The following ASAP2 variants were observed in gnomAD, a reference collection of about 807,000 sequenced individuals.
ASAP2 encodes arf-GAP with SH3 domain, ANK repeat and PH domain-containing protein 2.
A neutral mutation model predicts 131.4 loss-of-function variants in ASAP2; 45 were observed. The observed-to-expected ratio is 0.34, with a 90% CI of 0.27 to 0.44. The LOEUF is 0.44. ASAP2 is among the 20% of genes least tolerant of loss of function. The pLI, the probability that ASAP2 is intolerant of heterozygous loss-of-function variation, is 1.00. For synonymous variants in ASAP2, 510 were observed against 503.0 expected (o/e 1.01, Z -0.19); for missense variants, 1,011 against 1,297.0 (o/e 0.78, Z 3.39).
Position 9,217,032 on chromosome 2 carries a change from G to A in ASAP2, c.126+9802G>A, listed in dbSNP as rs1463695932. Among the ~76,000 whole-genome samples the A allele has an allele frequency of 2.6e-5, 4 of 152,130 alleles. No homozygotes were observed. Among genetic ancestry groups the A allele is most frequent in the Admixed American group, 6.5e-5 (1 of 15,278 alleles). Reference sequence around the variant, plus strand: ...ATAGGGGCCAGCAAAATTAGGCCACGGTACCAAGTTCATGGAGCTTGGAGG... The same window carrying A: ...ATAGGGGCCAGCAAAATTAGGCCACAGTACCAAGTTCATGGAGCTTGGAGG... On this transcript the variant is annotated intron_variant, in intron 1 of 27. Transcript: ENST00000281419. The surrounding 1 kb of genome is among the most constrained non-coding windows in gnomAD (Gnocchi z 4.0).
At position 9,380,735 on chromosome 2, in the gene ASAP2, T is replaced by C. The variant is rs779068141; in HGVS notation, c.1949-6T>C. 1 of 1,614,114 alleles carries C rather than the reference T, an allele frequency of 6.2e-7. No individual in the cohort carries two copies. The highest frequency in any genetic ancestry group is 1.1e-5 in the South Asian group (1 of 91,078). On this transcript the variant is annotated splice_polypyrimidine_tract_variant and splice_region_variant and intron_variant, in intron 19 of 27. Coordinates refer to ENST00000281419, the MANE Select transcript of ASAP2 (RefSeq NM_003887.3). ...AACGCCTCCTTTGCTCGCCCTTGAATTTTAGCAAACGAGTCAGGAGAGACT... is the reference window on the plus strand; with the variant it reads ...AACGCCTCCTTTGCTCGCCCTTGAACTTTAGCAAACGAGTCAGGAGAGACT...
rs537818317 is a variant in ASAP2 at position 9,352,121 on chromosome 2, G to A, written c.1111+1226G>A. ...TGTGATCCTGTAGTCCCAGCTACTC[G>A]GGAGGCTGAGGTAGGAGGATCACCC... On this transcript the variant is annotated intron_variant, in intron 12 of 27. Transcript: ENST00000281419. 2.0e-3 allele frequency among the ~76,000 whole-genome samples: 305 copies of A among 152,152 alleles called. 1 individual carries two copies. Among genetic ancestry groups the A allele is most frequent in the Non-Finnish European group, 3.4e-3 (231 of 68,000 alleles).
At position 9,268,578 on chromosome 2, in the gene ASAP2, A is replaced by G. The variant is rs1666105909; in HGVS notation, c.127-10739A>G. Reference sequence around the variant, plus strand: ...CAAAAGGCTTCTGGAAATATTTGACACTGTCATTAATGCTCTCTGTTACTT... The same window carrying G: ...CAAAAGGCTTCTGGAAATATTTGACGCTGTCATTAATGCTCTCTGTTACTT... On this transcript the variant is annotated intron_variant, in intron 1 of 27. Coordinates refer to ENST00000281419, the MANE Select transcript of ASAP2 (RefSeq NM_003887.3). The surrounding 1 kb of genome is among the most constrained non-coding windows in gnomAD (Gnocchi z 4.1). Among the ~76,000 whole-genome samples the G allele has an allele frequency of 6.6e-6, 1 of 152,158 alleles. No individual in the cohort carries two copies. The highest frequency in any genetic ancestry group is 2.4e-5 in the African/African-American group (1 of 41,436).
chr2:9,313,562 C>T (rs1669453609), intron 3 of ASAP2, among the ~76,000 whole-genome samples: 1 of 152,206 alleles, frequency 6.6e-6, no homozygotes, highest in Non-Finnish European at 1.5e-5. Context: ...GCGCTGCCCC[C>T]GCCAGCTGCC....
At chr2:9,343,589 A>C (rs992406868) in intron 9 of ASAP2, among the ~76,000 whole-genome samples, 5 of 152,118 alleles carry the variant, frequency 3.3e-5, no homozygotes, top group African/African-American at 1.2e-4. Flanking sequence ...TGGGACTACC[A>C]GCGCCTGCCA....
At chr2:9,338,809 T>G (rs1671393993) in intron 9 of ASAP2, among the ~76,000 whole-genome samples, 1 of 152,146 alleles carries the variant, frequency 6.6e-6, no homozygotes, top group Non-Finnish European at 1.5e-5. Flanking sequence ...GTCTGCCCAG[T>G]GCGGGCTGGG....
intron 1 of ASAP2, among the ~76,000 whole-genome samples, chr2:9,242,200 G>T (rs185077309): frequency 6.6e-6 from 1 of 152,140 alleles, no homozygotes; most frequent in Admixed American, 6.5e-5. Context: ...TCTTTGGACC[G>T]TGATCTTAGG....
chr2:9,314,091 C>G (rs777304170), intron 3 of ASAP2, among the ~76,000 whole-genome samples: 29 of 152,244 alleles, frequency 1.9e-4, no homozygotes, highest in Non-Finnish European at 4.0e-4. Flanking sequence ...TCAAGTGATT[C>G]TCCTGCCTCA....
chr2:9,340,343 T>C (rs1316167605), intron 9 of ASAP2, among the ~76,000 whole-genome samples: 1 of 152,236 alleles, frequency 6.6e-6, no homozygotes, highest in East Asian at 1.9e-4. Flanking sequence ...AACTTTATTC[T>C]GTGAGAGAGA....
chr2:9,367,789 T>G (rs2709577), intron 15 of ASAP2, among the ~76,000 whole-genome samples: 2,823 of 152,314 alleles, frequency 0.019, 106 homozygotes, highest in African/African-American at 0.064. Context: ...AATTTAATGT[T>G]TAACATGTCA....
intron 18 of ASAP2, among the ~76,000 whole-genome samples, chr2:9,378,092 G>A (rs1423263650): frequency 1.3e-5 from 2 of 152,056 alleles, no homozygotes; most frequent in Non-Finnish European, 2.9e-5. Context: ...CACACCCCCC[G>A]CTCCCCATGC....
intron 1 of ASAP2, among the ~76,000 whole-genome samples, chr2:9,221,440 C>T (rs892763288): frequency 2.0e-5 from 3 of 151,468 alleles, no homozygotes; most frequent in Admixed American, 6.6e-5. Context: ...CAGGCATGAG[C>T]CACTGCACCT....
chr2:9,229,402 C>T (rs1662998433), intron 1 of ASAP2, among the ~76,000 whole-genome samples: 1 of 152,156 alleles, frequency 6.6e-6, no homozygotes, highest in Non-Finnish European at 1.5e-5. Flanking sequence ...AGGGATTTCC[C>T]CTGTCGATGA....
intron 1 of ASAP2, among the ~76,000 whole-genome samples, chr2:9,235,218 C>T (rs1663460665): frequency 6.6e-6 from 1 of 152,152 alleles, no homozygotes; most frequent in Non-Finnish European, 1.5e-5. Context: ...TAGTTTTGAA[C>T]CTGATGAGTT....
intron 15 of ASAP2, among the ~76,000 whole-genome samples, chr2:9,364,351 A>T (rs1047433242): frequency 6.6e-6 from 1 of 152,088 alleles, no homozygotes; most frequent in Non-Finnish European, 1.5e-5. Context: ...CTACAAAAAA[A>T]AAAAAGTTAG....
intron 1 of ASAP2, among the ~76,000 whole-genome samples, chr2:9,270,223 T>G (rs1395401288): frequency 6.6e-6 from 1 of 152,164 alleles, no homozygotes; most frequent in Non-Finnish European, 1.5e-5. Flanking sequence ...CTTCGGTTCT[T>G]GCCTTTGTTT....
At chr2:9,376,095 G>A (rs1359258846) in intron 17 of ASAP2, among the ~76,000 whole-genome samples, 1 of 152,228 alleles carries the variant, frequency 6.6e-6, no homozygotes, top group Admixed American at 6.5e-5. Context: ...GATGCCTCAC[G>A]GCTGCAGCAT....
Position 9,311,357 on chromosome 2 carries a change from CAA to C in ASAP2, c.346-7157_346-7156del, listed in dbSNP as rs35796016. Reference sequence around the variant, plus strand: ...CCATCCTGGGTGAGAGGCACTCTCTCAAAAAAAAAAAGAAAAAAAAAGTTTGC... The same window carrying C: ...CCATCCTGGGTGAGAGGCACTCTCTCAAAAAAAAAGAAAAAAAAAGTTTGC... On this transcript the variant is annotated intron_variant, in intron 3 of 27. Transcript: ENST00000281419. The surrounding 1 kb of genome is among the most constrained non-coding windows in gnomAD (Gnocchi z 5.2). Among the ~76,000 whole-genome samples, 14 of 138,736 alleles carry C rather than the reference CAA, an allele frequency of 1.0e-4. No individual in the cohort carries two copies. The East Asian group carries it at 2.4e-3, about 24-fold the overall frequency. The allele number at this position is 138,736 out of a possible 152,430, so 91.0% of individuals were successfully genotyped here.
chr2:9,239,801 C>T (rs1423614494), intron 1 of ASAP2, among the ~76,000 whole-genome samples: 7 of 152,034 alleles, frequency 4.6e-5, no homozygotes, highest in African/African-American at 1.7e-4. Flanking sequence ...TCACGGCTCA[C>T]TGCAGCCTTG....
Sources: allele counts gnomAD v4.1 joint callset (sites outside exome capture counted in the v4.1 genomes callset), GRCh38; gene constraint gnomAD v4.1.1; non-coding constraint Gnocchi (gnomAD v3.1); transcripts MANE v1.5; gene names NCBI Gene and HGNC (gene_info 2026-07-23, HGNC 2026-07-21).